Variants in CEACAM18 observed in about 807,000 individuals in gnomAD.
CEACAM18 encodes the protein cell adhesion molecule CEACAM18.
In CEACAM18, 33 loss-of-function variants were observed where a neutral mutation model predicts 34.3. The observed-to-expected ratio is 0.96, with a 90% confidence interval of 0.73 to 1.29. CEACAM18 has a LOEUF of 1.29. CEACAM18 is among the 50% of genes most tolerant of loss of function. CEACAM18 has a pLI of 0.00. For missense variants in CEACAM18, 474 were observed against 485.0 expected, an observed-to-expected ratio of 0.98 and a Z score of 0.21; for synonymous variants, 169 against 180.9, an observed-to-expected ratio of 0.93 and a Z score of 0.53.
intron 5 of CEACAM18, among the ~76,000 whole-genome samples, chr19:51,489,438 G>C (rs141610411): frequency 3.9e-5 from 6 of 151,974 alleles, no homozygotes; most frequent in Middle Eastern, 3.4e-3. Context: ...ATTGGATCTG[G>C]ATACCACCCA....
At chr19:51,484,424 T>C (rs1329305279) in intron 4 of CEACAM18, among the ~76,000 whole-genome samples, 1 of 151,932 alleles carries the variant, frequency 6.6e-6, no homozygotes, top group Non-Finnish European at 1.5e-5. Context: ...GTGATTCTCC[T>C]GCCTCAGCCT....
intron 5 of CEACAM18, among the ~76,000 whole-genome samples, chr19:51,487,667 G>A (rs1422222946): frequency 6.6e-6 from 1 of 152,090 alleles, no homozygotes; most frequent in Non-Finnish European, 1.5e-5. Context: ...TTGGGAGGCT[G>A]AGGCAGGAGA....
chr19:51,489,663 C>T (rs1219919991), intron 5 of CEACAM18, among the ~76,000 whole-genome samples: 1 of 152,126 alleles, frequency 6.6e-6, no homozygotes. Flanking sequence ...AGTGAGATAG[C>T]AGGCAATCGG....
chr19:51,480,132 G>A (rs1989884342), intron 1 of CEACAM18, among the ~76,000 whole-genome samples: 1 of 152,248 alleles, frequency 6.6e-6, no homozygotes, highest in South Asian at 2.1e-4. Flanking sequence ...GAGAAGATAA[G>A]GGTAAAATGG....
chr19:51,480,492 A>C (rs967195034), exon 2 of CEACAM18: 1 of 1,613,800 alleles, frequency 6.2e-7, no homozygotes, highest in Non-Finnish European at 8.5e-7. Flanking sequence ...AGCGCAGGAA[A>C]CATGATTATC....
chr19:51,487,639 A>C (rs1990028292), intron 5 of CEACAM18, among the ~76,000 whole-genome samples: 1 of 151,516 alleles, frequency 6.6e-6, no homozygotes, highest in Non-Finnish European at 1.5e-5. Context: ...GATGGCAGTC[A>C]CCTGTAATCC....
In CEACAM18 at chr19:51,480,526, GC is replaced by G; in HGVS notation, c.247del (p.Gln83SerfsTer12). On this transcript the variant is annotated frameshift_variant, in exon 2 of 6. Transcript: ENST00000396477. LOFTEE classifies it high-confidence loss of function. ...TCAGCCACAAACCGCCCAGTGCCCA[GC>G]AGCCTGGGCCCATGTACACTGGCAG... The G allele has an allele frequency of 6.2e-7, 1 of 1,613,992 alleles. No individual in the cohort carries two copies. The highest frequency in any genetic ancestry group is 8.5e-7 in the Non-Finnish European group (1 of 1,179,894).
chr19:51,490,284 T>C (rs1162787903), intron 5 of CEACAM18, among the ~76,000 whole-genome samples: 1 of 152,240 alleles, frequency 6.6e-6, no homozygotes, highest in Non-Finnish European at 1.5e-5. Flanking sequence ...TCCATCATTG[T>C]TGTGATCCCT....
At chr19:51,481,263 G>T (rs1165531818) in intron 2 of CEACAM18, 130 bp from the exon 3 acceptor site, 9 of 993,364 alleles carry the variant, frequency 9.1e-6, no homozygotes, top group Non-Finnish European at 1.3e-5. Context: ...CAGCTCCCTT[G>T]CCAGGATGCC....
At chr19:51,486,880 G>A (rs1319146151) in intron 5 of CEACAM18, among the ~76,000 whole-genome samples, 1 of 149,554 alleles carries the variant, frequency 6.7e-6, no homozygotes, top group Non-Finnish European at 1.5e-5. Context: ...ACCACACCTG[G>A]CTAATTTTTT....
chr19:51,481,871 G>T (rs1050924286), intron 3 of CEACAM18, among the ~76,000 whole-genome samples: 1 of 152,176 alleles, frequency 6.6e-6, no homozygotes, highest in Admixed American at 6.5e-5. Context: ...TGGTACACTC[G>T]AGTTTGAAAT....
intron 1 of CEACAM18, 103 bp from the exon 2 acceptor site, chr19:51,480,230 T>C: frequency 1.0e-6 from 1 of 953,540 alleles, no homozygotes; most frequent in Non-Finnish European, 1.5e-6. Context: ...TTCACCAGCG[T>C]CTCTGGGAAT....
intron 1 of CEACAM18, 72 bp downstream of exon 1, chr19:51,478,766 AGGGGGC>A: frequency 3.4e-6 from 4 of 1,183,882 alleles, no homozygotes; most frequent in Non-Finnish European, 4.4e-6. Context: ...AGCGGCGGGG[AGGGGGC>A]TGGGACCATC....
intron 5 of CEACAM18, 132 bp from the exon 6 acceptor site, chr19:51,490,455 T>A (rs61701460): frequency 0.01 from 6,449 of 624,578 alleles, 242 homozygotes; most frequent in African/African-American, 0.086. Context: ...TCTCCTCCAT[T>A]GGGTCCCATG....
At chr19:51,490,263 C>CTGT (rs1990068950) in intron 5 of CEACAM18, among the ~76,000 whole-genome samples, 1 of 152,196 alleles carries the variant, frequency 6.6e-6, no homozygotes, top group South Asian at 2.1e-4. Flanking sequence ...AAGTAAATTA[C>CTGT]TGTTATTACC....
intron 3 of CEACAM18, among the ~76,000 whole-genome samples, chr19:51,482,322 C>G (rs1295398536): frequency 2.6e-5 from 4 of 152,216 alleles, no homozygotes; most frequent in African/African-American, 9.7e-5. Flanking sequence ...GGACTGCTCA[C>G]AGAGTTTAAT....
chr19:51,485,257 G>GTCTGCCCCAGAT, intron 5 of CEACAM18, 135 bp downstream of exon 5: 1 of 883,650 alleles, frequency 1.1e-6, no homozygotes, highest in South Asian at 1.8e-5. Flanking sequence ...GGGATCATCT[G>GTCTGCCCCAGAT]GGGCAGACAG....
exon 2 of CEACAM18, chr19:51,480,381 T>C (rs758741307): frequency 6.2e-7 from 1 of 1,612,816 alleles, no homozygotes; most frequent in Admixed American, 1.7e-5. Flanking sequence ...CAAATCTTCA[T>C]CACCCAAACC....
intron 5 of CEACAM18, among the ~76,000 whole-genome samples, chr19:51,486,696 C>CTTT (rs1468224657): frequency 2.0e-5 from 3 of 149,784 alleles, no homozygotes; most frequent in African/African-American, 7.4e-5. Flanking sequence ...TTTCTTTTTT[C>CTTT]TTTTTCTTTC....
Sources: gnomAD v4.1 joint callset for allele counts (sites outside exome capture counted in the v4.1 genomes callset) on GRCh38, gnomAD v4.1.1 for gene constraint, MANE v1.5 for transcripts, NCBI Gene and HGNC (gene_info 2026-07-23, HGNC 2026-07-21) for gene names.